DOCK4: variants seen among roughly 807,000 people sequenced by gnomAD.
DOCK4 encodes dedicator of cytokinesis protein 4.
DOCK4 carries 97 observed loss-of-function variants against 268.1 expected under a neutral mutation model. The ratio of observed to expected loss-of-function variants is 0.36; its 90% CI spans 0.31 to 0.43. The LOEUF (loss-of-function observed/expected upper bound fraction) is 0.43. Ranked by LOEUF, DOCK4 falls within the 20% of genes least tolerant of loss-of-function variation. The pLI is 1.00. For missense variants in DOCK4, 2,145 were observed against 2,455.7 expected, an observed-to-expected ratio of 0.87 and a Z score of 2.67; for synonymous variants, 954 against 887.2, an observed-to-expected ratio of 1.08 and a Z score of -1.34.
At chr7:111,866,386 C>T (rs1469905256) in intron 22 of DOCK4, among the ~76,000 whole-genome samples, 3 of 152,146 alleles carry the variant, frequency 2.0e-5, no homozygotes, top group African/African-American at 4.8e-5. Flanking sequence ...AGTGATACTG[C>T]ACAAAATAAC....
At chr7:112,139,445 A>C (rs1814682543) in intron 1 of DOCK4, among the ~76,000 whole-genome samples, 3 of 152,218 alleles carry the variant, frequency 2.0e-5, no homozygotes, top group Admixed American at 2.0e-4. Context: ...GCAATTTCAT[A>C]AATAGTTATT....
intron 13 of DOCK4, 112 bp downstream of exon 13, chr7:111,915,667 C>A (rs1348433586): frequency 1.9e-6 from 2 of 1,078,150 alleles, no homozygotes; most frequent in African/African-American, 3.3e-5. Flanking sequence ...TTTCATTCTT[C>A]AGCATGGCCC....
intron 1 of DOCK4, among the ~76,000 whole-genome samples, chr7:112,126,156 C>T (rs912015241): frequency 6.6e-5 from 10 of 152,072 alleles, no homozygotes; most frequent in Admixed American, 1.3e-4. Flanking sequence ...TTCTGCAAAA[C>T]GAGTGAAAAT....
Position 112,078,718 on chromosome 7 carries a change from G to A in DOCK4, c.38-74587C>T, listed in dbSNP as rs185572715. ...GGGAAGAAAGCAGAGGCATAGGAAC[G>A]TCTGGAGATGAGAAACAGGAGGGAG... On this transcript the variant is annotated intron_variant, in intron 1 of 52. Coordinates refer to ENST00000428084, the MANE Select transcript of DOCK4 (RefSeq NM_001363540.2). Among the ~76,000 whole-genome samples, 35 of 152,302 alleles carry A rather than the reference G, an allele frequency of 2.3e-4. No homozygotes were observed. The East Asian group carries it at 5.0e-3, about 22-fold the overall frequency.
At chr7:111,785,723 A>G (rs1468970096) in intron 32 of DOCK4, among the ~76,000 whole-genome samples, 1 of 152,146 alleles carries the variant, frequency 6.6e-6, no homozygotes, top group Non-Finnish European at 1.5e-5. Flanking sequence ...CTTTCTAGGT[A>G]ACCCGGGTGA....
chr7:111,783,014 G>GAAAAAAA, intron 34 of DOCK4, 90 bp from the exon 35 acceptor site: 3 of 412,750 alleles, frequency 7.3e-6, no homozygotes, highest in Non-Finnish European at 7.3e-6. Flanking sequence ...AAGAAAGAAA[G>GAAAAAAA]AAAGAAAAAA....
intron 1 of DOCK4, among the ~76,000 whole-genome samples, chr7:112,152,594 A>C (rs1429443528): frequency 1.3e-5 from 2 of 152,212 alleles, no homozygotes; most frequent in Non-Finnish European, 2.9e-5. Context: ...TTTAAATCCC[A>C]AAAACAAACT....
At position 111,756,358 on chromosome 7, in the gene DOCK4, A is replaced by AT. The variant is rs113423078; in HGVS notation, c.4330-758dup. On this transcript the variant is annotated intron_variant, in intron 41 of 52. Coordinates refer to ENST00000428084, the MANE Select transcript of DOCK4 (RefSeq NM_001363540.2). ...GGCGAGACTCCTTCTCAAAAAAATTATTTTTTTTTGAAGACACTAGGTCTT... is the reference window on the plus strand; with the variant it reads ...GGCGAGACTCCTTCTCAAAAAAATTATTTTTTTTTTGAAGACACTAGGTCTT... Among the ~76,000 whole-genome samples, 61 of 151,194 alleles carry AT rather than the reference A, an allele frequency of 4.0e-4. 1 individual carries two copies. The highest frequency in any genetic ancestry group is 1.8e-3 in the East Asian group (9 of 5,122).
intron 8 of DOCK4, among the ~76,000 whole-genome samples, chr7:111,955,831 AC>A (rs1280732884): frequency 6.6e-6 from 1 of 152,218 alleles, no homozygotes; most frequent in African/African-American, 2.4e-5. Context: ...TTTAAGAAAA[AC>A]AGCTGTGACT....
chr7:111,959,506 G>A (rs28473365), intron 8 of DOCK4, among the ~76,000 whole-genome samples: 46 of 152,312 alleles, frequency 3.0e-4, no homozygotes, highest in African/African-American at 1.1e-3. Flanking sequence ...TGATGTATGA[G>A]ACGAGAAATA....
chr7:112,199,045 C>G (rs1340089010), intron 1 of DOCK4, among the ~76,000 whole-genome samples: 2 of 152,180 alleles, frequency 1.3e-5, no homozygotes, highest in African/African-American at 4.8e-5. Context: ...GGTGGGATTA[C>G]TGATTCAAAC....
At chr7:111,941,926 C>T (rs1562918704) in intron 10 of DOCK4, among the ~76,000 whole-genome samples, 1 of 152,208 alleles carries the variant, frequency 6.6e-6, no homozygotes, top group Non-Finnish European at 1.5e-5. Flanking sequence ...ATCTCCCAAA[C>T]CTCCACCTGA....
chr7:112,089,446 T>C (rs1399624287), intron 1 of DOCK4, among the ~76,000 whole-genome samples: 1 of 152,164 alleles, frequency 6.6e-6, no homozygotes, highest in East Asian at 1.9e-4. Flanking sequence ...ATAAATATCT[T>C]AGTTACAGTT....
chr7:111,835,081 G>T (rs1803132715), intron 25 of DOCK4, among the ~76,000 whole-genome samples: 1 of 152,128 alleles, frequency 6.6e-6, no homozygotes, highest in South Asian at 2.1e-4. Flanking sequence ...GAGGTAGGGG[G>T]TATAATACCT....
chr7:112,027,857 G>A (rs1802939739), intron 1 of DOCK4, among the ~76,000 whole-genome samples: 1 of 152,196 alleles, frequency 6.6e-6, no homozygotes, highest in South Asian at 2.1e-4. Flanking sequence ...AAGAAAAGAA[G>A]CTGAGACAAG....
At chr7:111,807,967 CAAT>C (rs914173216) in intron 30 of DOCK4, 3 of 151,814 alleles carry the variant, frequency 2.0e-5, no homozygotes, top group African/African-American at 7.3e-5. Flanking sequence ...GGAAGTAAAA[CAAT>C]AATGGTTCTA....
intron 24 of DOCK4, among the ~76,000 whole-genome samples, chr7:111,845,585 T>C (rs1023707427): frequency 4.6e-5 from 7 of 152,190 alleles, no homozygotes; most frequent in African/African-American, 1.7e-4. Flanking sequence ...AACAAAACTC[T>C]ATGTACAAAT....
At chr7:112,114,476 C>G (rs1220000052) in intron 1 of DOCK4, among the ~76,000 whole-genome samples, 1 of 152,108 alleles carries the variant, frequency 6.6e-6, no homozygotes, top group Admixed American at 6.5e-5. Context: ...AAATGTCTGT[C>G]AAACACCAAA....
intron 1 of DOCK4, among the ~76,000 whole-genome samples, chr7:112,104,943 C>A (rs888205684): frequency 6.6e-6 from 1 of 152,122 alleles, no homozygotes; most frequent in Non-Finnish European, 1.5e-5. Context: ...GGATGATATA[C>A]ATTCAAGAGT....
Sources: allele counts gnomAD v4.1 joint callset (sites outside exome capture counted in the v4.1 genomes callset), GRCh38; gene constraint gnomAD v4.1.1; transcripts MANE v1.5; gene names NCBI Gene and HGNC (gene_info 2026-07-23, HGNC 2026-07-21).